The following ZNF787 variants were observed in gnomAD, a reference collection of about 807,000 sequenced individuals.
The protein encoded by ZNF787 is TTF-I-interacting peptide 20.
ZNF787 carries 7 observed loss-of-function variants against 16.9 expected under a neutral mutation model. The observed-to-expected ratio is 0.42, with a 90% CI of 0.24 to 0.78. The LOEUF (loss-of-function observed/expected upper bound fraction) is 0.78. Among genes scored for constraint, ZNF787 ranks in the 30% least tolerant of loss-of-function variants. ZNF787 has a pLI of 0.30. For synonymous variants in ZNF787, 345 were observed against 270.9 expected, an observed-to-expected ratio of 1.27 and a Z score of -2.69; for missense variants, 551 against 589.3, an observed-to-expected ratio of 0.94 and a Z score of 0.67.
intron 1 of ZNF787, among the ~76,000 whole-genome samples, chr19:56,110,478 A>G (rs1011345370): frequency 1.3e-5 from 2 of 152,048 alleles, no homozygotes; most frequent in African/African-American, 4.8e-5. Context: ...ACAACACCCT[A>G]GACATTAAAA....
intron 1 of ZNF787, among the ~76,000 whole-genome samples, chr19:56,118,451 G>C (rs2030199895): frequency 6.6e-6 from 1 of 152,230 alleles, no homozygotes; most frequent in Non-Finnish European, 1.5e-5. Context: ...GGGGCGGAAG[G>C]GGGCGGTTGT....
intron 2 of ZNF787, among the ~76,000 whole-genome samples, chr19:56,092,608 C>G (rs1452940409): frequency 6.6e-6 from 1 of 151,040 alleles, no homozygotes; most frequent in Non-Finnish European, 1.5e-5. Flanking sequence ...TTTCATTCAT[C>G]CTTTTCTTTG....
chr19:56,095,985 T>C (rs1172370043), intron 2 of ZNF787, among the ~76,000 whole-genome samples: 2 of 152,162 alleles, frequency 1.3e-5, no homozygotes. Context: ...CCTAGTAACT[T>C]TGCAACTGTG....
chr19:56,109,802 T>G (rs7260339), intron 1 of ZNF787, among the ~76,000 whole-genome samples: 88,141 of 151,774 alleles, frequency 0.58, 28,826 homozygotes, highest in South Asian at 0.81. Flanking sequence ...GAGAATGGCG[T>G]GAACCCGGGA....
chr19:56,117,478 T>C (rs1025303971), intron 1 of ZNF787, among the ~76,000 whole-genome samples: 1 of 151,506 alleles, frequency 6.6e-6, no homozygotes, highest in African/African-American at 2.4e-5. Context: ...GCGGAGTGGC[T>C]AGTACAATCT....
chr19:56,100,950 TCA>T (rs749290480), intron 2 of ZNF787, among the ~76,000 whole-genome samples: 3 of 137,868 alleles, frequency 2.2e-5, no homozygotes, highest in Non-Finnish European at 4.6e-5. Context: ...TCTGTCACTG[TCA>T]CATAGGAGGG....
rs1210627860 is a variant in ZNF787 at position 56,112,737 on chromosome 19, TAACACCC to T, written c.-11+8428_-11+8434del. Among the ~76,000 whole-genome samples the T allele has an allele frequency of 9.2e-5, 14 of 151,808 alleles. No homozygotes were observed. The East Asian group carries it at 2.6e-3, about 28-fold the overall frequency. ...CCAAGTCATCCTCCAACCACTGGGC[TAACACCC>T]TCTCTGACTTTTCACCAAATCCTGT... On this transcript the variant is annotated intron_variant, in intron 1 of 2. Transcript: ENST00000610935.
At chr19:56,121,031 C>T (rs1163842130) in intron 1 of ZNF787, 141 bp downstream of exon 1, 1 of 139,500 alleles carries the variant, frequency 7.2e-6, no homozygotes, top group Admixed American at 7.0e-5. Context: ...CCACTCACGC[C>T]CCCCCAGCAG....
chr19:56,105,797 T>C (rs1772543332), intron 1 of ZNF787, among the ~76,000 whole-genome samples: 2 of 152,178 alleles, frequency 1.3e-5, no homozygotes, highest in Admixed American at 6.5e-5. Flanking sequence ...TGATATTTAG[T>C]GTATTCAGTT....
chr19:56,117,671 C>T (rs886779807), intron 1 of ZNF787, among the ~76,000 whole-genome samples: 1 of 152,230 alleles, frequency 6.6e-6, no homozygotes, highest in Non-Finnish European at 1.5e-5. Flanking sequence ...TCCTGTGTCC[C>T]GCAGGGGGAT....
chr19:56,090,506 C>T (rs1985533386), intron 2 of ZNF787, among the ~76,000 whole-genome samples: 2 of 152,064 alleles, frequency 1.3e-5, no homozygotes, highest in African/African-American at 2.4e-5. Context: ...GTAGCATCGG[C>T]GCCACAGAGA....
intron 1 of ZNF787, among the ~76,000 whole-genome samples, chr19:56,113,613 A>G (rs1307087199): frequency 6.6e-6 from 1 of 152,132 alleles, no homozygotes; most frequent in Admixed American, 6.5e-5. Context: ...GAACAGCACG[A>G]TTCTATTTAT....
chr19:56,119,716 C>A (rs2030231564), intron 1 of ZNF787, among the ~76,000 whole-genome samples: 1 of 152,202 alleles, frequency 6.6e-6, no homozygotes, highest in South Asian at 2.1e-4. Context: ...AGGCCGGGTG[C>A]CCGGATGGAT....
At chr19:56,100,619 G>C (rs1248928918) in intron 2 of ZNF787, among the ~76,000 whole-genome samples, 1 of 152,080 alleles carries the variant, frequency 6.6e-6, no homozygotes, top group Non-Finnish European at 1.5e-5. Flanking sequence ...GACCACACAC[G>C]CCATGGCCAG....
At chr19:56,105,158 T>TA (rs984948015) in intron 1 of ZNF787, among the ~76,000 whole-genome samples, 12 of 148,240 alleles carry the variant, frequency 8.1e-5, no homozygotes, top group African/African-American at 2.7e-4. Context: ...AAATAAATAA[T>TA]AAAAAAATAA....
chr19:56,092,740 A>G (rs1985674491), intron 2 of ZNF787, among the ~76,000 whole-genome samples: 1 of 152,048 alleles, frequency 6.6e-6, no homozygotes, highest in South Asian at 2.1e-4. Context: ...CCACAGACAC[A>G]GGGGATGACA....
At chr19:56,094,624 CGTTT>C (rs916926218) in intron 2 of ZNF787, among the ~76,000 whole-genome samples, 4 of 152,152 alleles carry the variant, frequency 2.6e-5, no homozygotes, top group Admixed American at 6.5e-5. Flanking sequence ...GCTGCCCCCT[CGTTT>C]CTGAGTTTGT....
At chr19:56,101,507 T>TA (rs1986097737) in intron 2 of ZNF787, 1 of 152,264 alleles carries the variant, frequency 6.6e-6, no homozygotes, top group South Asian at 2.1e-4. Context: ...CTTGTAAAAT[T>TA]AAAGATGAAC....
At chr19:56,091,594 C>T (rs1004297521) in intron 2 of ZNF787, among the ~76,000 whole-genome samples, 1 of 152,194 alleles carries the variant, frequency 6.6e-6, no homozygotes, top group African/African-American at 2.4e-5. Context: ...TAGAGGCAAA[C>T]TGGGAGTGGG....
Sources: allele counts gnomAD v4.1 joint callset (sites outside exome capture counted in the v4.1 genomes callset), GRCh38; gene constraint gnomAD v4.1.1; transcripts MANE v1.5; gene names NCBI Gene and HGNC (gene_info 2026-07-23, HGNC 2026-07-21).